The following FSD2 variants were observed in gnomAD, a reference collection of about 807,000 sequenced individuals.
FSD2 encodes fibronectin type III and SPRY domain-containing protein 2.
FSD2 carries 71 observed loss-of-function variants against 80.4 expected under a neutral mutation model. The observed-to-expected ratio is 0.88, with a 90% CI of 0.73 to 1.08. The LOEUF is 1.08. Ranked by LOEUF, FSD2 falls within the 50% of genes least tolerant of loss-of-function variation. The pLI is 0.00. For synonymous variants in FSD2, 361 were observed against 329.5 expected (o/e 1.10, Z -1.03); for missense variants, 923 against 913.8 (o/e 1.01, Z -0.13).
At chr15:82,775,305 G>A (rs1211336003) in intron 6 of FSD2, among the ~76,000 whole-genome samples, 3 of 151,882 alleles carry the variant, frequency 2.0e-5, no homozygotes, top group Non-Finnish European at 4.4e-5. Flanking sequence ...GGCTGAGGCA[G>A]GAGAATCGCT....
intron 3 of FSD2, among the ~76,000 whole-genome samples, chr15:82,784,194 T>C (rs2049940658): frequency 6.6e-6 from 1 of 152,150 alleles, no homozygotes; most frequent in African/African-American, 2.4e-5. Context: ...GGGACTTTGA[T>C]CTGAGAGTAA....
chr15:82,801,903 C>T (rs545472768), intron 1 of FSD2, among the ~76,000 whole-genome samples: 3 of 152,310 alleles, frequency 2.0e-5, no homozygotes, highest in South Asian at 2.1e-4. Context: ...ATCAGGTCCA[C>T]CCCTAGATGG....
At chr15:82,782,717 C>G in intron 4 of FSD2, 78 bp downstream of exon 4, 2 of 1,255,244 alleles carry the variant, frequency 1.6e-6, no homozygotes, top group South Asian at 2.8e-5. Context: ...TAGCTTACCT[C>G]AACCATAACT....
At chr15:82,788,034 G>A (rs1180797644) in intron 1 of FSD2, among the ~76,000 whole-genome samples, 2 of 151,898 alleles carry the variant, frequency 1.3e-5, no homozygotes, top group African/African-American at 4.8e-5. Context: ...CCAAAGTGCT[G>A]GAATTACAGG....
chr15:82,765,766 C>G, intron 10 of FSD2, 132 bp downstream of exon 10: 1 of 1,183,922 alleles, frequency 8.4e-7, no homozygotes, highest in Non-Finnish European at 1.2e-6. Context: ...CCCTGAACTC[C>G]TTCTGGCCTG....
At chr15:82,800,697 A>AAAAAAAAAAAAAC (rs2050391128) in intron 1 of FSD2, among the ~76,000 whole-genome samples, 1 of 146,922 alleles carries the variant, frequency 6.8e-6, no homozygotes, top group Non-Finnish European at 1.5e-5. Flanking sequence ...GTCTCAAAAA[A>AAAAAAAAAAAAAC]AAAAAAAAAA....
At chr15:82,771,715 G>T (rs1378034946) in intron 7 of FSD2, among the ~76,000 whole-genome samples, 5 of 152,212 alleles carry the variant, frequency 3.3e-5, no homozygotes, top group African/African-American at 9.6e-5. Flanking sequence ...GCACCAGCCT[G>T]ACCCTCAGAT....
rs1372379111 is a variant in FSD2, at chr15:82,774,451, T to C, written c.1112-2223A>G. ...AAGTTTTCTCATTTAATTCTTACCA[T>C]ATTCCTATGAGGTATTATGATGTCC... On this transcript the variant is annotated intron_variant, in intron 6 of 12. Transcript: ENST00000334574. Among the ~76,000 whole-genome samples the C allele has an allele frequency of 2.0e-5, 3 of 152,178 alleles. No individual in the cohort carries two copies. The East Asian group carries it at 5.8e-4, about 29-fold the overall frequency.
In FSD2 at chr15:82,789,566, T is replaced by C. The variant is rs1396260161; in HGVS notation, c.-78-2098A>G. ...GGTATCTTGTGCAAGGCCACACAGT[T>C]AGTATATTGTTGAACTGGGATTTGA... On this transcript the variant is annotated intron_variant, in intron 1 of 12. Transcript: ENST00000334574. 4.6e-5 allele frequency among the ~76,000 whole-genome samples: 7 copies of C among 152,236 alleles called. No homozygotes were observed. The East Asian group carries it at 1.4e-3, about 29-fold the overall frequency.
intron 1 of FSD2, among the ~76,000 whole-genome samples, chr15:82,797,020 TAAAA>T (rs11286584): frequency 1.0e-5 from 1 of 97,374 alleles, no homozygotes. Context: ...GCTTGGTAAT[TAAAA>T]AAAAAAAAAA....
Position 82,759,507 on chromosome 15 carries a change from A to G in FSD2, c.2091T>C (p.His697=). ...CCACATTGAAAAATGACAACTTTGA[A>G]TGTTCATAGTCTAATAGAATGCCAA... is the stretch of plus-strand genomic sequence containing the variant. ...KKIGILLDYE[H]SKLSFFNVDL... Residue 697 remains histidine (H), a synonymous_variant, in exon 13 of 13, where the codon CAT becomes CAC. Coordinates refer to ENST00000334574, the MANE Select transcript of FSD2 (RefSeq NM_001007122.4). 1.2e-6 allele frequency: 2 copies of G among 1,612,310 alleles called. No homozygotes were observed. Among genetic ancestry groups the G allele is most frequent in the Non-Finnish European group, 1.7e-6 (2 of 1,179,046 alleles).
chr15:82,789,459 T>TACATTATCCTCACATCGACCCTATGTGGC (rs546389617), intron 1 of FSD2, among the ~76,000 whole-genome samples: 124 of 152,252 alleles, frequency 8.1e-4, no homozygotes, highest in African/African-American at 2.9e-3. Context: ...AGTTTATATA[T>TACATTATCCTCACATCGACCCTATGTGGC]ACATTATCCT....
intron 6 of FSD2, among the ~76,000 whole-genome samples, chr15:82,774,466 T>A (rs1323249038): frequency 1.3e-5 from 2 of 152,170 alleles, no homozygotes; most frequent in African/African-American, 4.8e-5. Flanking sequence ...CTATGAGGTA[T>A]TATGATGTCC....
intron 12 of FSD2, 42 bp from the exon 13 acceptor site, chr15:82,759,642 T>A (rs765975562): frequency 1.4e-6 from 2 of 1,436,118 alleles, no homozygotes. Context: ...AGTAATTCTA[T>A]AGATTGACTA....
chr15:82,797,292 A>G (rs2151538367), intron 1 of FSD2, among the ~76,000 whole-genome samples: 1 of 152,370 alleles, frequency 6.6e-6, no homozygotes, highest in South Asian at 2.1e-4. Context: ...AATGTGAGTG[A>G]CATTGCTATA....
chr15:82,797,280 A>G (rs886794323), intron 1 of FSD2, among the ~76,000 whole-genome samples: 1 of 152,268 alleles, frequency 6.6e-6, no homozygotes, highest in South Asian at 2.1e-4. Flanking sequence ...AAAGAGTTCA[A>G]AAATGTGAGT....
Position 82,765,203 on chromosome 15 carries a change from C to A in FSD2, c.1783G>T (p.Ala595Ser), listed in dbSNP as rs768051263. The change falls in exon 11 of 13, where the codon GCC becomes TCC. Residue 595 changes from alanine to serine, a missense_variant. Physicochemically the swap from Ala to Ser is moderately conservative, Grantham distance 99. Transcript: ENST00000334574. Reference sequence around the variant, plus strand: ...GTGTCGCTGGGTGACAGCTCCCTGGCGGGGGTTCTCCTTTCACTTCGTACA... The same window carrying A: ...GTGTCGCTGGGTGACAGCTCCCTGGAGGGGGTTCTCCTTTCACTTCGTACA... Reference protein sequence around the residue: ...TAVRSERRTPARELSPSDTHF... With the variant: ...TAVRSERRTPSRELSPSDTHF... 5.6e-6 allele frequency: 9 copies of A among 1,607,060 alleles called. No individual in the cohort carries two copies. The South Asian group carries it at 8.9e-5, about 16-fold the overall frequency.
chr15:82,781,639 G>C (rs1218043817), intron 4 of FSD2, among the ~76,000 whole-genome samples: 1 of 152,008 alleles, frequency 6.6e-6, no homozygotes, highest in Non-Finnish European at 1.5e-5. Context: ...TTTTTTGCAT[G>C]TCTGAGTTCG....
At chr15:82,782,437 C>T (rs191110583) in intron 4 of FSD2, among the ~76,000 whole-genome samples, 3 of 152,250 alleles carry the variant, frequency 2.0e-5, no homozygotes, top group South Asian at 2.1e-4. Flanking sequence ...ACAACAACAA[C>T]AAAAAACTGT....
Sources: gnomAD v4.1 joint callset for allele counts (sites outside exome capture counted in the v4.1 genomes callset) on GRCh38, gnomAD v4.1.1 for gene constraint, MANE v1.5 for transcripts, NCBI Gene and HGNC (gene_info 2026-07-23, HGNC 2026-07-21) for gene names.